TSPAN18: variants seen among roughly 807,000 people sequenced by gnomAD.
TSPAN18 encodes the protein tetraspanin-18.
TSPAN18 carries 14 observed loss-of-function variants against 27.3 expected under a neutral mutation model. The ratio of observed to expected loss-of-function variants is 0.51; its 90% CI spans 0.34 to 0.80. The LOEUF (loss-of-function observed/expected upper bound fraction) is 0.80, where lower values mean the gene tolerates loss of function less well. Among genes scored for constraint, TSPAN18 ranks in the 30% least tolerant of loss-of-function variants. The probability of loss-of-function intolerance (pLI) is 0.01; values close to 1 mark genes in which losing one functional copy is unlikely to be tolerated. For missense variants in TSPAN18, 268 were observed against 323.9 expected (o/e 0.83, Z 1.32); for synonymous variants, 143 against 136.5 (o/e 1.05, Z -0.33).
chr11:44,883,889 A>G (rs973840708), intron 3 of TSPAN18, among the ~76,000 whole-genome samples: 3 of 152,250 alleles, frequency 2.0e-5, no homozygotes, highest in African/African-American at 7.2e-5. Flanking sequence ...TTTGTAAAAT[A>G]GGCATAATAA....
At chr11:44,886,429 G>A (rs1014355182) in intron 3 of TSPAN18, 3 of 152,316 alleles carry the variant, frequency 2.0e-5, no homozygotes, top group African/African-American at 4.8e-5. Flanking sequence ...GCTCCAACAC[G>A]GCTGTGTCAT....
chr11:44,897,399 A>G (rs542400727), intron 3 of TSPAN18, among the ~76,000 whole-genome samples: 29 of 152,164 alleles, frequency 1.9e-4, no homozygotes, highest in Admixed American at 5.2e-4. Flanking sequence ...GGTGGCATCC[A>G]TGGATGCAGG....
chr11:44,778,611 C>T (rs1463340035), intron 2 of TSPAN18, among the ~76,000 whole-genome samples: 1 of 152,200 alleles, frequency 6.6e-6, no homozygotes, highest in African/African-American at 2.4e-5. Flanking sequence ...AGGGATGGCT[C>T]ACTTGGTCTC....
chr11:44,745,643 C>T (rs1032639533), intron 1 of TSPAN18, among the ~76,000 whole-genome samples: 1 of 152,118 alleles, frequency 6.6e-6, no homozygotes, highest in Non-Finnish European at 1.5e-5. Context: ...CATAGGTATG[C>T]TCAGTTTGTG....
intron 2 of TSPAN18, among the ~76,000 whole-genome samples, chr11:44,770,927 A>T (rs1855676398): frequency 6.6e-6 from 1 of 152,124 alleles, no homozygotes; most frequent in Non-Finnish European, 1.5e-5. Context: ...CAGAGAGTGG[A>T]GGGAGGGCAT....
chr11:44,855,230 G>T (rs1857704514), intron 2 of TSPAN18, among the ~76,000 whole-genome samples: 1 of 151,924 alleles, frequency 6.6e-6, no homozygotes, highest in South Asian at 2.1e-4. Flanking sequence ...CTGTGCAAAA[G>T]TCATAAAATA....
intron 3 of TSPAN18, among the ~76,000 whole-genome samples, chr11:44,880,364 G>C (rs575223335): frequency 6.6e-6 from 1 of 152,062 alleles, no homozygotes; most frequent in Admixed American, 6.6e-5. Flanking sequence ...TGCTCTGTTA[G>C]CCTCTCCCAA....
intron 1 of TSPAN18, among the ~76,000 whole-genome samples, chr11:44,747,913 A>C (rs1019523832): frequency 6.6e-6 from 1 of 151,914 alleles, no homozygotes; most frequent in Non-Finnish European, 1.5e-5. Context: ...CTCACACTCA[A>C]ACTTCTCTCC....
rs959138992 is a variant in TSPAN18 at position 44,881,438 on chromosome 11, T to C, written c.-11+20969T>C. ...GAGAACAGGTCATGGGAAGGAAGGA[T>C]TTCTTTGAGCATCACTCAAGAAGTT... On this transcript the variant is annotated intron_variant, in intron 3 of 9. Transcript: ENST00000520358. 3.3e-5 allele frequency among the ~76,000 whole-genome samples: 5 copies of C among 152,300 alleles called. No homozygotes were observed. In the East Asian group the frequency reaches 9.6e-4, roughly 29 times the overall value.
intron 2 of TSPAN18, among the ~76,000 whole-genome samples, chr11:44,775,753 T>A (rs939579597): frequency 6.6e-6 from 1 of 152,220 alleles, no homozygotes; most frequent in African/African-American, 2.4e-5. Context: ...GCTGCTAACC[T>A]ATAGAGGTCG....
chr11:44,772,150 G>T (rs866687718), intron 2 of TSPAN18, among the ~76,000 whole-genome samples: 4 of 152,140 alleles, frequency 2.6e-5, no homozygotes, highest in Admixed American at 1.3e-4. Flanking sequence ...AGGGCCATTT[G>T]CTTTACTCAA....
intron 4 of TSPAN18, among the ~76,000 whole-genome samples, chr11:44,908,994 G>C (rs536157284): frequency 1.1e-4 from 16 of 152,254 alleles, no homozygotes; most frequent in African/African-American, 3.6e-4. Flanking sequence ...CAACTAATAA[G>C]TGGCACAGCT....
rs1038994542 is a variant in TSPAN18, at chr11:44,791,288, G to A, written c.-153+26776G>A. 1.8e-4 allele frequency among the ~76,000 whole-genome samples: 28 copies of A among 152,328 alleles called. No individual in the cohort carries two copies. In the East Asian group the frequency reaches 4.8e-3, roughly 26 times the overall value. On this transcript the variant is annotated intron_variant, in intron 2 of 9. Coordinates refer to ENST00000520358, the MANE Select transcript of TSPAN18 (RefSeq NM_130783.5). ...CCAGCACACACCTAGGGTGAGAGCC[G>A]TGGAGCCAATCTGCTCCTCCCACTT...
At chr11:44,874,870 T>G (rs910688971) in intron 3 of TSPAN18, among the ~76,000 whole-genome samples, 1 of 152,166 alleles carries the variant, frequency 6.6e-6, no homozygotes, top group African/African-American at 2.4e-5. Context: ...TTAGCAACCC[T>G]TTTTCAGAGA....
intron 1 of TSPAN18, among the ~76,000 whole-genome samples, chr11:44,751,055 C>G (rs928000563): frequency 6.6e-6 from 1 of 152,140 alleles, no homozygotes; most frequent in Non-Finnish European, 1.5e-5. Context: ...TAGAGGATGA[C>G]TTTTAGGGCA....
intron 2 of TSPAN18, among the ~76,000 whole-genome samples, chr11:44,847,775 G>A (rs1478440772): frequency 1.3e-5 from 2 of 152,044 alleles, no homozygotes; most frequent in Admixed American, 1.3e-4. Context: ...AGGGAGGATG[G>A]GAAGGGGTTT....
At position 44,882,587 on chromosome 11, in the gene TSPAN18, G is replaced by GACACACACACACAC. The variant is rs748475836; in HGVS notation, c.-11+22146_-11+22159dup. Among the ~76,000 whole-genome samples, 195 of 130,848 alleles carry GACACACACACACAC rather than the reference G, an allele frequency of 1.5e-3. 1 individual carries two copies. Among genetic ancestry groups the GACACACACACACAC allele is most frequent in the African/African-American group, 5.5e-3 (184 of 33,526 alleles). The allele number at this position is 130,848 out of a possible 152,430, so 85.8% of individuals were successfully genotyped here. On this transcript the variant is annotated intron_variant, in intron 3 of 9. Coordinates refer to ENST00000520358, the MANE Select transcript of TSPAN18 (RefSeq NM_130783.5). ...TCACCAGGAAATGGTCAGAGAGAGA[G>GACACACACACACAC]ACACACACACACACACACACACACA...
intron 2 of TSPAN18, among the ~76,000 whole-genome samples, chr11:44,792,262 G>A (rs1027031167): frequency 1.8e-4 from 27 of 152,208 alleles, no homozygotes; most frequent in Non-Finnish European, 2.9e-5. Flanking sequence ...TCTGTGAGGG[G>A]TGACATTTAA....
At chr11:44,816,127 A>T (rs1565162533) in intron 2 of TSPAN18, among the ~76,000 whole-genome samples, 1 of 151,326 alleles carries the variant, frequency 6.6e-6, no homozygotes, top group Non-Finnish European at 1.5e-5. Context: ...TGGAGAAGGG[A>T]TGATAAATCA....
Sources: allele counts gnomAD v4.1 joint callset (sites outside exome capture counted in the v4.1 genomes callset), GRCh38; gene constraint gnomAD v4.1.1; transcripts MANE v1.5; gene names NCBI Gene and HGNC (gene_info 2026-07-23, HGNC 2026-07-21).